The following BCAT1 variants were observed in gnomAD, a reference collection of about 807,000 sequenced individuals.
The protein encoded by BCAT1 is branched chain amino acid transaminase 1.
A neutral mutation model predicts 52.4 loss-of-function variants in BCAT1; 48 were observed. That is an observed-to-expected ratio of 0.92 (90% CI 0.73 to 1.16). The LOEUF (loss-of-function observed/expected upper bound fraction) is 1.16, where lower values mean the gene tolerates loss of function less well. Among genes scored for constraint, BCAT1 ranks in the 50% most tolerant of loss-of-function variants. The pLI is 0.00. For missense variants in BCAT1, 451 were observed against 457.1 expected (o/e 0.99, Z 0.12); for synonymous variants, 167 against 161.3 (o/e 1.04, Z -0.27).
At chr12:24,923,715 G>T (rs1025737676) in intron 1 of BCAT1, among the ~76,000 whole-genome samples, 2 of 152,112 alleles carry the variant, frequency 1.3e-5, no homozygotes, top group Non-Finnish European at 2.9e-5. Context: ...CGGCCTTCAA[G>T]TATATTTCTT....
At chr12:24,836,741 C>A in intron 7 of BCAT1, 145 bp from the exon 8 acceptor site, 1 of 573,596 alleles carries the variant, frequency 1.7e-6, no homozygotes, top group Non-Finnish European at 3.1e-6. Flanking sequence ...ATCAAATTTC[C>A]CAAATCAGTT....
intron 1 of BCAT1, among the ~76,000 whole-genome samples, chr12:24,918,056 T>C (rs554860726): frequency 3.9e-5 from 6 of 152,366 alleles, no homozygotes; most frequent in African/African-American, 7.2e-5. Context: ...TCCAAGGAGA[T>C]GCTTTCGAAG....
chr12:24,920,413 T>C (rs1943484617), intron 1 of BCAT1, among the ~76,000 whole-genome samples: 1 of 152,216 alleles, frequency 6.6e-6, no homozygotes, highest in African/African-American at 2.4e-5. Flanking sequence ...ATAAATCCTC[T>C]TGGCAAACTG....
intron 10 of BCAT1, among the ~76,000 whole-genome samples, chr12:24,827,015 A>T (rs1940429929): frequency 6.6e-6 from 1 of 152,164 alleles, no homozygotes; most frequent in African/African-American, 2.4e-5. Flanking sequence ...GAATTCATTT[A>T]TCAGTTCTAC....
At chr12:24,849,528 G>A (rs1270732053) in intron 6 of BCAT1, among the ~76,000 whole-genome samples, 2 of 152,180 alleles carry the variant, frequency 1.3e-5, no homozygotes, top group Admixed American at 6.5e-5. Context: ...CATATCCAGT[G>A]TTTCTCCCTT....
chr12:24,827,058 G>A (rs1411855002), intron 10 of BCAT1, among the ~76,000 whole-genome samples: 1 of 152,054 alleles, frequency 6.6e-6, no homozygotes, highest in Non-Finnish European at 1.5e-5. Context: ...GGTTTTTCTA[G>A]GTGTAAGATA....
intron 5 of BCAT1, among the ~76,000 whole-genome samples, chr12:24,872,265 G>A (rs1450939263): frequency 6.6e-6 from 1 of 152,168 alleles, no homozygotes; most frequent in African/African-American, 2.4e-5. Flanking sequence ...TCTATGAAAC[G>A]CACATGTCCT....
rs769311417 is a variant in BCAT1, at chr12:24,901,870, A to G, written c.22T>C (p.Cys8Arg). MKDCSNG[C>R]SAECTGEGGS... Reference sequence around the variant, plus strand: ...CCTTCTCCGGTACACTCTGCGGAGCATCCGTTACTGCAATCCTTAAAGAAG... The same window carrying G: ...CCTTCTCCGGTACACTCTGCGGAGCGTCCGTTACTGCAATCCTTAAAGAAG... Residue 8 changes from cysteine (C) to arginine (R), a missense_variant, in exon 2 of 11, where the codon TGC becomes CGC. Coordinates refer to ENST00000261192, the MANE Select transcript of BCAT1 (RefSeq NM_005504.7). 5 of 1,614,034 alleles carry G rather than the reference A, an allele frequency of 3.1e-6. No homozygotes were observed. Among genetic ancestry groups the G allele is most frequent in the Admixed American group, 3.3e-5 (2 of 60,032 alleles).
chr12:24,853,775 T>C (rs17373566), intron 5 of BCAT1, among the ~76,000 whole-genome samples: 5,817 of 152,234 alleles, frequency 0.038, 159 homozygotes, highest in Non-Finnish European at 0.055. Context: ...ATGAATTGTG[T>C]GAGTCAATTT....
chr12:24,910,651 C>T (rs1943308180), intron 1 of BCAT1, among the ~76,000 whole-genome samples: 1 of 152,112 alleles, frequency 6.6e-6, no homozygotes, highest in South Asian at 2.1e-4. Context: ...TAGCTAAAGG[C>T]CCAGTATACA....
intron 5 of BCAT1, among the ~76,000 whole-genome samples, chr12:24,874,585 G>T (rs1942275629): frequency 6.6e-6 from 1 of 152,208 alleles, no homozygotes; most frequent in African/African-American, 2.4e-5. Context: ...GCCATTAAAA[G>T]TTCAGCTTTC....
intron 1 of BCAT1, among the ~76,000 whole-genome samples, chr12:24,942,132 G>A (rs369415202): frequency 1.2e-3 from 181 of 152,302 alleles, no homozygotes; most frequent in African/African-American, 4.0e-3. Context: ...TAATTCAAGC[G>A]AGAAGTAATG....
At chr12:24,862,187 C>T (rs2883181) in intron 5 of BCAT1, among the ~76,000 whole-genome samples, 6,103 of 152,288 alleles carry the variant, frequency 0.04, 399 homozygotes, top group African/African-American at 0.14. Context: ...TTTTCTTTCT[C>T]TACTTCTCTA....
chr12:24,841,625 G>A (rs144007567), intron 7 of BCAT1, among the ~76,000 whole-genome samples: 422 of 152,210 alleles, frequency 2.8e-3, no homozygotes, highest in African/African-American at 9.5e-3. Context: ...AAACTCGGCC[G>A]GGTGCAGTGG....
At chr12:24,891,951 G>A (rs7953787) in intron 3 of BCAT1, among the ~76,000 whole-genome samples, 4 of 151,098 alleles carry the variant, frequency 2.6e-5, no homozygotes, top group Non-Finnish European at 5.9e-5. Context: ...TAGAGATGGG[G>A]TTTCACCATG....
At chr12:24,851,305 T>C (rs1284690213) in intron 5 of BCAT1, among the ~76,000 whole-genome samples, 1 of 152,190 alleles carries the variant, frequency 6.6e-6, no homozygotes, top group Non-Finnish European at 1.5e-5. Flanking sequence ...AGACTCAACT[T>C]CAGCTGATTT....
intron 5 of BCAT1, among the ~76,000 whole-genome samples, chr12:24,865,958 C>T (rs1318438554): frequency 1.3e-5 from 2 of 152,250 alleles, no homozygotes; most frequent in African/African-American, 4.8e-5. Context: ...TCCTCGGCCT[C>T]GGCGCCCATT....
At chr12:24,928,396 T>C (rs1368657959) in intron 1 of BCAT1, among the ~76,000 whole-genome samples, 1 of 152,044 alleles carries the variant, frequency 6.6e-6, no homozygotes, top group African/African-American at 2.4e-5. Flanking sequence ...CCAGGCACTT[T>C]GGGAGGCTGA....
At chr12:24,894,546 G>GA (rs61127951) in intron 2 of BCAT1, 71 bp from the exon 3 acceptor site, 17,499 of 954,416 alleles carry the variant, frequency 0.018, no homozygotes, top group Non-Finnish European at 0.02. Context: ...ATACAGAGGG[G>GA]AAAAAAAAAA....
Sources: gnomAD v4.1 joint callset for allele counts (sites outside exome capture counted in the v4.1 genomes callset) on GRCh38, gnomAD v4.1.1 for gene constraint, MANE v1.5 for transcripts, NCBI Gene and HGNC (gene_info 2026-07-23, HGNC 2026-07-21) for gene names.